IGSF21: variants seen among roughly 807,000 people sequenced by gnomAD.
IGSF21 encodes the protein immunoglobulin superfamily member 21.
In IGSF21, 28 loss-of-function variants were observed where a neutral mutation model predicts 46.8. The observed-to-expected ratio is 0.60, with a 90% CI of 0.44 to 0.82. The LOEUF (loss-of-function observed/expected upper bound fraction) is 0.82, where lower values mean the gene tolerates loss of function less well. Ranked by LOEUF, IGSF21 falls within the 40% of genes least tolerant of loss-of-function variation. The probability of loss-of-function intolerance (pLI) is 0.00; values close to 1 mark genes in which losing one functional copy is unlikely to be tolerated. For missense variants in IGSF21, 624 were observed against 665.5 expected (o/e 0.94, Z 0.69); for synonymous variants, 284 against 273.6 (o/e 1.04, Z -0.38).
At chr1:18,123,400 C>A (rs2086251404) in intron 1 of IGSF21, among the ~76,000 whole-genome samples, 1 of 152,240 alleles carries the variant, frequency 6.6e-6, no homozygotes, top group Non-Finnish European at 1.5e-5. Context: ...CTGCACCAAG[C>A]ATCTGCTCTG....
intron 7 of IGSF21, 116 bp downstream of exon 7, chr1:18,376,511 C>T: frequency 1.2e-6 from 1 of 817,240 alleles, no homozygotes; most frequent in East Asian, 2.5e-5. Context: ...CAGCCACATC[C>T]AGTGGGTTTC....
chr1:18,319,897 C>T (rs1186294337), intron 3 of IGSF21, among the ~76,000 whole-genome samples: 3 of 152,106 alleles, frequency 2.0e-5, no homozygotes, highest in Admixed American at 6.6e-5. Context: ...CTTTGTTTAC[C>T]GTCTGTGTCC....
At chr1:18,131,886 G>C (rs1214876164) in intron 1 of IGSF21, among the ~76,000 whole-genome samples, 1 of 152,214 alleles carries the variant, frequency 6.6e-6, no homozygotes, top group Non-Finnish European at 1.5e-5. Context: ...ATACAGGAGA[G>C]ACTGGGAAAT....
chr1:18,200,811 G>A (rs2087065460), intron 1 of IGSF21, among the ~76,000 whole-genome samples: 1 of 152,110 alleles, frequency 6.6e-6, no homozygotes. Context: ...CGTTGCCCTT[G>A]GATCAGCCTC....
chr1:18,195,915 A>G (rs1015169983), intron 1 of IGSF21, among the ~76,000 whole-genome samples: 6 of 152,194 alleles, frequency 3.9e-5, no homozygotes, highest in Non-Finnish European at 7.3e-5. Flanking sequence ...GGAGGGAGGC[A>G]GAGAAGGCTT....
intron 1 of IGSF21, among the ~76,000 whole-genome samples, chr1:18,222,388 C>G (rs1170114171): frequency 6.6e-6 from 1 of 152,186 alleles, no homozygotes. Context: ...CTTTCAACCT[C>G]TACCTTGGAG....
intron 3 of IGSF21, among the ~76,000 whole-genome samples, chr1:18,294,573 A>C (rs1170449290): frequency 6.6e-6 from 1 of 152,240 alleles, no homozygotes; most frequent in African/African-American, 2.4e-5. Context: ...CAGTTGTGGA[A>C]GCCAAGGCCC....
intron 1 of IGSF21, among the ~76,000 whole-genome samples, chr1:18,184,866 G>A (rs2086888730): frequency 6.6e-6 from 1 of 152,158 alleles, no homozygotes; most frequent in African/African-American, 2.4e-5. Context: ...ACAATAGTAA[G>A]ACCGTGAGTT....
intron 1 of IGSF21, among the ~76,000 whole-genome samples, chr1:18,151,188 A>G (rs990242672): frequency 6.6e-6 from 1 of 152,208 alleles, no homozygotes; most frequent in African/African-American, 2.4e-5. Flanking sequence ...AGAGTCCTTC[A>G]TGAGCCACTT....
At chr1:18,161,468 G>A (rs1278454029) in intron 1 of IGSF21, among the ~76,000 whole-genome samples, 3 of 152,032 alleles carry the variant, frequency 2.0e-5, no homozygotes, top group Admixed American at 6.6e-5. Flanking sequence ...CTCTACCCAG[G>A]CCACCAAAAG....
intron 3 of IGSF21, among the ~76,000 whole-genome samples, chr1:18,304,708 T>C (rs851743): frequency 4.9e-4 from 31 of 63,328 alleles, no homozygotes; most frequent in Non-Finnish European, 7.9e-4. Context: ...CACACACACA[T>C]ACACACACAC....
chr1:18,173,497 C>A (rs1403799014), intron 1 of IGSF21, among the ~76,000 whole-genome samples: 1 of 152,168 alleles, frequency 6.6e-6, no homozygotes, highest in Non-Finnish European at 1.5e-5. Flanking sequence ...TGCCCTTAGG[C>A]CCAGGCAACC....
chr1:18,251,699 A>T (rs1168861167), intron 2 of IGSF21, among the ~76,000 whole-genome samples: 1 of 152,172 alleles, frequency 6.6e-6, no homozygotes, highest in African/African-American at 2.4e-5. Flanking sequence ...AGATTTGGGG[A>T]TCATACAGCT....
chr1:18,241,153 T>A (rs2084723618), intron 2 of IGSF21, among the ~76,000 whole-genome samples: 1 of 152,104 alleles, frequency 6.6e-6, no homozygotes, highest in African/African-American at 2.4e-5. Flanking sequence ...TGTGAACGAA[T>A]TTTATAGGGT....
chr1:18,173,752 C>T lies in IGSF21; in HGVS notation c.71-54146C>T, dbSNP rs150670600. ...TTGTTTTATTTTATGTATTTATGTA[C>T]GTATGTATTTATTTATTTGGAGACG... On this transcript the variant is annotated intron_variant, in intron 1 of 9. Coordinates refer to ENST00000251296, the MANE Select transcript of IGSF21 (RefSeq NM_032880.5). Among the ~76,000 whole-genome samples, 272 of 152,148 alleles carry T rather than the reference C, an allele frequency of 1.8e-3. 8 individuals carry two copies. The East Asian group carries it at 0.043, about 24-fold the overall frequency.
intron 6 of IGSF21, among the ~76,000 whole-genome samples, chr1:18,367,603 C>CTTTTTTT (rs35019096): frequency 1.4e-4 from 10 of 73,962 alleles, no homozygotes; most frequent in Non-Finnish European, 1.5e-4. Context: ...CTCTCTCTCT[C>CTTTTTTT]TTTTTTTTTT....
At chr1:18,196,836 T>C (rs2087013837) in intron 1 of IGSF21, among the ~76,000 whole-genome samples, 2 of 152,082 alleles carry the variant, frequency 1.3e-5, no homozygotes, top group Non-Finnish European at 2.9e-5. Context: ...GAAGATGCTG[T>C]TTTCCCAGGA....
intron 1 of IGSF21, among the ~76,000 whole-genome samples, chr1:18,124,301 C>T (rs1265913137): frequency 6.6e-6 from 1 of 152,188 alleles, no homozygotes; most frequent in Non-Finnish European, 1.5e-5. Flanking sequence ...GTGACAAGCT[C>T]CTGCTTGTAT....
chr1:18,224,235 T>A (rs1044854226), intron 1 of IGSF21, among the ~76,000 whole-genome samples: 1 of 151,862 alleles, frequency 6.6e-6, no homozygotes, highest in Non-Finnish European at 1.5e-5. Context: ...GGCTCCAGAG[T>A]GTAAAATATG....
Sources: gnomAD v4.1 joint callset for allele counts (sites outside exome capture counted in the v4.1 genomes callset) on GRCh38, gnomAD v4.1.1 for gene constraint, MANE v1.5 for transcripts, NCBI Gene and HGNC (gene_info 2026-07-23, HGNC 2026-07-21) for gene names.